Variants in KCNC1 observed in about 807,000 individuals in gnomAD.
KCNC1 encodes the protein potassium voltage-gated channel subfamily C member 1.
A neutral mutation model predicts 43.4 loss-of-function variants in KCNC1; 8 were observed. That is an observed-to-expected ratio of 0.18 (90% CI 0.11 to 0.33). The LOEUF is 0.33. KCNC1 is among the 10% of genes least tolerant of loss of function. The probability of loss-of-function intolerance (pLI) is 1.00; values close to 1 mark genes in which losing one functional copy is unlikely to be tolerated. For missense variants in KCNC1, 420 were observed against 836.0 expected (o/e 0.50, Z 6.14); for synonymous variants, 361 against 360.5 (o/e 1.00, Z -0.01).
At chr11:17,745,353 T>C (rs141931745) in intron 1 of KCNC1, among the ~76,000 whole-genome samples, 1 of 152,204 alleles carries the variant, frequency 6.6e-6, no homozygotes, top group African/African-American at 2.4e-5. Flanking sequence ...GGAGTCATCC[T>C]GGACTCCTCT....
At chr11:17,753,596 C>T (rs989190038) in intron 1 of KCNC1, among the ~76,000 whole-genome samples, 47 of 152,326 alleles carry the variant, frequency 3.1e-4, no homozygotes, top group African/African-American at 1.0e-3. Context: ...ATAAACCAGC[C>T]GCTAAACTGC....
Position 17,776,999 on chromosome 11 carries a change from TA to T in KCNC1, c.1505-2456del. 1.0e-6 allele frequency: 1 copy of T among 985,412 alleles called. No individual in the cohort carries two copies. The highest frequency in any genetic ancestry group is 1.2e-6 in the Non-Finnish European group (1 of 829,958). The allele number at this position is 985,412 out of a possible 1,614,324, so 61.0% of individuals were successfully genotyped here. A position where few individuals can be genotyped will look rare whatever the true frequency, so the allele number is the denominator to read the frequency against. On this transcript the variant is annotated intron_variant, in intron 2 of 3. Transcript: ENST00000265969. The surrounding 1 kb of genome is among the most constrained non-coding windows in gnomAD (Gnocchi z 4.4). ...TAGGGTTGAGAGAAGCAGTAGGCCC[TA>T]GGGGTGTCCCGGGAATCCCCCAGGA...
At chr11:17,759,736 T>C (rs1849057627) in intron 1 of KCNC1, among the ~76,000 whole-genome samples, 1 of 152,196 alleles carries the variant, frequency 6.6e-6, no homozygotes, top group African/African-American at 2.4e-5. Context: ...TGCCATCTTA[T>C]ACGGGTGTGA....
chr11:17,779,006 T>C lies in KCNC1; in HGVS notation c.1505-450T>C, dbSNP rs1849317347. On this transcript the variant is annotated intron_variant, in intron 2 of 3. Coordinates refer to ENST00000265969, the MANE Select transcript of KCNC1 (RefSeq NM_001112741.2). The surrounding 1 kb of genome is among the most constrained non-coding windows in gnomAD (Gnocchi z 7.2). The stretch of plus-strand genomic sequence containing the variant: ...GGCTGTGGACGGGAGGCAGCCGGGC[T>C]CTGGTCAGCAGCAGAGGGGTCCGGA... 6.6e-6 allele frequency among the ~76,000 whole-genome samples: 1 copy of C among 151,894 alleles called. No homozygotes were observed. Among genetic ancestry groups the C allele is most frequent in the Non-Finnish European group, 1.5e-5 (1 of 67,948 alleles).
At chr11:17,760,757 G>A (rs945202914) in intron 1 of KCNC1, among the ~76,000 whole-genome samples, 2 of 152,220 alleles carry the variant, frequency 1.3e-5, no homozygotes, top group African/African-American at 4.8e-5. Flanking sequence ...TTGTTCCCGA[G>A]GACAGTGAGA....
At position 17,736,233 on chromosome 11, in the gene KCNC1, C is replaced by T. The variant is rs763928456; in HGVS notation, c.231C>T (p.His77=). The change falls in exon 1 of 4, where the codon CAC becomes CAT. Residue 77 remains histidine, a synonymous_variant. Coordinates refer to ENST00000265969, the MANE Select transcript of KCNC1 (RefSeq NM_001112741.2). The surrounding 1 kb of genome is among the most constrained non-coding windows in gnomAD (Gnocchi z 9.3). The part of the protein sequence containing the change: ...ILNYYRTGKL[H]CPADVCGPLY... ...ACTACTACCGCACGGGCAAGCTGCACTGCCCAGCCGACGTGTGCGGGCCGC... is the reference window on the plus strand; with the variant it reads ...ACTACTACCGCACGGGCAAGCTGCATTGCCCAGCCGACGTGTGCGGGCCGC... 1.2e-5 allele frequency: 19 copies of T among 1,613,726 alleles called. No homozygotes were observed. The South Asian group carries it at 2.0e-4, about 17-fold the overall frequency.
rs1590106307 is a variant in KCNC1 at position 17,771,537 on chromosome 11, G to A, written c.571-128G>A. Reference sequence around the variant, plus strand: ...CCCCCTGTGCCCTGAGGAGGGAAATGTAGCACGTGCTGCAGGGGGCCTGGT... The same window carrying A: ...CCCCCTGTGCCCTGAGGAGGGAAATATAGCACGTGCTGCAGGGGGCCTGGT... On this transcript the variant is annotated intron_variant, in intron 1 of 3. Coordinates refer to ENST00000265969, the MANE Select transcript of KCNC1 (RefSeq NM_001112741.2). This position sits in a 1 kb window ranked among gnomAD's most constrained non-coding sequence, Gnocchi z 4.7. 2 of 809,352 alleles carry A rather than the reference G, an allele frequency of 2.5e-6. No homozygotes were observed. Among genetic ancestry groups the A allele is most frequent in the East Asian group, 2.5e-5 (1 of 40,700 alleles). 50.1% of individuals were successfully genotyped at this position (809,352 alleles called of 1,614,324 possible).
chr11:17,740,722 C>A (rs1848830106), intron 1 of KCNC1, among the ~76,000 whole-genome samples: 1 of 152,050 alleles, frequency 6.6e-6, no homozygotes, highest in African/African-American at 2.4e-5. Flanking sequence ...GTGCCAATGG[C>A]CCCCAAGCTG....
chr11:17,770,660 C>A (rs372374150), intron 1 of KCNC1, among the ~76,000 whole-genome samples: 3 of 152,180 alleles, frequency 2.0e-5, no homozygotes, highest in South Asian at 2.1e-4. Context: ...GTCTCCCAAA[C>A]CTTTTTGCTG....
intron 2 of KCNC1, chr11:17,774,406 C>T: frequency 1.0e-6 from 1 of 985,540 alleles, no homozygotes; most frequent in African/African-American, 1.7e-5. Context: ...GGAGTGTTGC[C>T]CCAAGCACAG....
In KCNC1 at chr11:17,782,126, T is replaced by A. The variant is rs1208256580; in HGVS notation, c.*392T>A. The A allele has an allele frequency of 5.7e-6, 1 of 176,016 alleles. No individual in the cohort carries two copies. The highest frequency in any genetic ancestry group is 2.4e-5 in the African/African-American group (1 of 42,418). The allele number at this position is 176,016 out of a possible 1,614,324, so 10.9% of individuals were successfully genotyped here. On this transcript the variant is annotated 3_prime_UTR_variant, in exon 4 of 4. Coordinates refer to ENST00000265969, the MANE Select transcript of KCNC1 (RefSeq NM_001112741.2). Reference sequence around the variant, plus strand: ...CTATTTTCTTTCAAAGCTCTTGACTTTCACACACGTTGTTGGAGCCAAACT... The same window carrying A: ...CTATTTTCTTTCAAAGCTCTTGACTATCACACACGTTGTTGGAGCCAAACT...
intron 1 of KCNC1, among the ~76,000 whole-genome samples, chr11:17,749,017 AGGC>A (rs767680688): frequency 1.4e-4 from 21 of 152,264 alleles, no homozygotes; most frequent in Non-Finnish European, 2.6e-4. Context: ...CCAGTCACAC[AGGC>A]CTCCGTGGTG....
At position 17,779,322 on chromosome 11, in the gene KCNC1, A is replaced by T; in HGVS notation, c.1505-134A>T. 1.5e-6 allele frequency: 1 copy of T among 685,644 alleles called. No individual in the cohort carries two copies. Among genetic ancestry groups the T allele is most frequent in the Non-Finnish European group, 2.3e-6 (1 of 439,260 alleles). 42.5% of individuals were successfully genotyped at this position (685,644 alleles called of 1,614,324 possible). A position where few individuals can be genotyped will look rare whatever the true frequency, so the allele number is the denominator to read the frequency against. ...CCCTGCCTTGTGCCCTCCTCGCTCCACAGCCTGCCCGCTTTTCCGTCCTCA... is the reference window on the plus strand; with the variant it reads ...CCCTGCCTTGTGCCCTCCTCGCTCCTCAGCCTGCCCGCTTTTCCGTCCTCA... On this transcript the variant is annotated intron_variant, in intron 2 of 3. Coordinates refer to ENST00000265969, the MANE Select transcript of KCNC1 (RefSeq NM_001112741.2). This position sits in a 1 kb window ranked among gnomAD's most constrained non-coding sequence, Gnocchi z 7.2.
In KCNC1 at chr11:17,747,572, G is replaced by A. The variant is rs1159588268; in HGVS notation, c.570+11000G>A. Among the ~76,000 whole-genome samples, 8 of 152,286 alleles carry A rather than the reference G, an allele frequency of 5.3e-5. No individual in the cohort carries two copies. In the East Asian group the frequency reaches 9.7e-4, roughly 18 times the overall value. The stretch of plus-strand genomic sequence containing the variant: ...GGGGCTAGGGCTGGGGGCTCCTGTT[G>A]GGTGCCCATGGGCGGTGCCCACTCT... On this transcript the variant is annotated intron_variant, in intron 1 of 3. Coordinates refer to ENST00000265969, the MANE Select transcript of KCNC1 (RefSeq NM_001112741.2).
In KCNC1 at chr11:17,736,020, G is replaced by A; in HGVS notation, c.18G>A (p.Glu6=). 6.6e-7 allele frequency: 1 copy of A among 1,517,652 alleles called. No homozygotes were observed. The highest frequency in any genetic ancestry group is 8.8e-7 in the Non-Finnish European group (1 of 1,134,748). The allele number at this position is 1,517,652 out of a possible 1,614,324, so 94.0% of individuals were successfully genotyped here. Residue 6 remains glutamate (E), a synonymous_variant, in exon 1 of 4, where the codon GAG becomes GAA. Coordinates refer to ENST00000265969, the MANE Select transcript of KCNC1 (RefSeq NM_001112741.2). This position sits in a 1 kb window ranked among gnomAD's most constrained non-coding sequence, Gnocchi z 9.3. The part of the protein sequence containing the change: MGQGD[E]SERIVINVGG... ...GCGCCGCGATGGGCCAAGGGGACGA[G>A]AGCGAGCGCATCGTGATCAACGTGG...
At chr11:17,769,955 T>C (rs1194834180) in intron 1 of KCNC1, among the ~76,000 whole-genome samples, 1 of 152,250 alleles carries the variant, frequency 6.6e-6, no homozygotes, top group East Asian at 1.9e-4. Context: ...CTACTCTCAC[T>C]CTGTCATTCT....
rs188810789 is a variant in KCNC1 at position 17,762,996 on chromosome 11, C to G, written c.571-8669C>G. ...GTGTGCATTTTATATGTTTCAACTTCCAAAAAAAAGATACGCATCTTGGGA... is the reference window on the plus strand; with the variant it reads ...GTGTGCATTTTATATGTTTCAACTTGCAAAAAAAAGATACGCATCTTGGGA... On this transcript the variant is annotated intron_variant, in intron 1 of 3. Transcript: ENST00000265969. Among the ~76,000 whole-genome samples, 18 of 150,186 alleles carry G rather than the reference C, an allele frequency of 1.2e-4. No homozygotes were observed. The East Asian group carries it at 3.1e-3, about 26-fold the overall frequency.
At chr11:17,764,289 T>C (rs528526207) in intron 1 of KCNC1, among the ~76,000 whole-genome samples, 36 of 125,966 alleles carry the variant, frequency 2.9e-4, no homozygotes, top group African/African-American at 1.4e-3. Flanking sequence ...ATACACACAC[T>C]CACACACACC....
chr11:17,742,532 C>T lies in KCNC1; in HGVS notation c.570+5960C>T, dbSNP rs1053737048. On this transcript the variant is annotated intron_variant, in intron 1 of 3. Transcript: ENST00000265969. The surrounding 1 kb of genome is among the most constrained non-coding windows in gnomAD (Gnocchi z 4.2). ...GGGGCCAGCCTGGCTACCACCCCAG[C>T]GTGAGCTCCCCTCTGCTAGGTGCAA... Among the ~76,000 whole-genome samples the T allele has an allele frequency of 2.0e-5, 3 of 152,222 alleles. No individual in the cohort carries two copies. The highest frequency in any genetic ancestry group is 1.3e-4 in the Admixed American group (2 of 15,292).
Sources: gnomAD v4.1 joint callset for allele counts (sites outside exome capture counted in the v4.1 genomes callset) on GRCh38, gnomAD v4.1.1 for gene constraint, Gnocchi (gnomAD v3.1) non-coding constraint, MANE v1.5 for transcripts, NCBI Gene and HGNC (gene_info 2026-07-23, HGNC 2026-07-21) for gene names.